The following FBXO11 variants were observed in gnomAD, a reference collection of about 807,000 sequenced individuals.
FBXO11 encodes the protein F-box only protein 11.
In FBXO11, 13 loss-of-function variants were observed where a neutral mutation model predicts 117.0. The ratio of observed to expected loss-of-function variants is 0.11; its 90% confidence interval spans 0.07 to 0.18. FBXO11 has a LOEUF of 0.18. Among genes scored for constraint, FBXO11 ranks in the 10% least tolerant of loss-of-function variants. FBXO11 has a pLI of 1.00. For synonymous variants in FBXO11, 490 were observed against 380.5 expected (o/e 1.29, Z -3.35); for missense variants, 767 against 1,164.4 (o/e 0.66, Z 4.97).
chr2:47,810,888 CCAAT>C (rs1315993089), intron 18 of FBXO11: 3 of 152,576 alleles, frequency 2.0e-5, no homozygotes, highest in Non-Finnish European at 4.4e-5. Flanking sequence ...TGCATAGTTT[CCAAT>C]CAGTTAACTG....
intron 1 of FBXO11, among the ~76,000 whole-genome samples, chr2:47,860,467 G>T (rs1363058836): frequency 2.7e-5 from 4 of 149,928 alleles, no homozygotes; most frequent in Non-Finnish European, 5.9e-5. Flanking sequence ...GTGGAGCGCA[G>T]TGGCACAATC....
At position 47,823,278 on chromosome 2, in the gene FBXO11, C is replaced by T. The variant is rs1671515974; in HGVS notation, c.1481G>A (p.Arg494Gln). The T allele has an allele frequency of 1.2e-6, 2 of 1,613,918 alleles. No homozygotes were observed. The highest frequency in any genetic ancestry group is 1.3e-5 in the African/African-American group (1 of 74,912). ...AGTCTGCCCATGGTGAATTTCACAT[C>T]GAACCACTGTAGGGTTAGCATAGGC... is the stretch of plus-strand genomic sequence containing the variant. Reference protein sequence around the residue: ...VKAYANPTVVRCEIHHGQTGG... With the variant: ...VKAYANPTVVQCEIHHGQTGG... The change falls in exon 12 of 23, where the codon CGA becomes CAA. Residue 494 changes from arginine to glutamine, a missense_variant. Arg to Gln is a conservative substitution (Grantham distance 43, BLOSUM62 1). Coordinates refer to ENST00000403359, the MANE Select transcript of FBXO11 (RefSeq NM_001190274.2).
At chr2:47,871,348 A>G (rs1675611046) in intron 1 of FBXO11, among the ~76,000 whole-genome samples, 2 of 152,204 alleles carry the variant, frequency 1.3e-5, no homozygotes, top group Non-Finnish European at 2.9e-5. Flanking sequence ...TGAATGAGAC[A>G]TCCTGAAAGC....
chr2:47,840,145 G>T (rs537454294), intron 1 of FBXO11, among the ~76,000 whole-genome samples: 1 of 151,798 alleles, frequency 6.6e-6, no homozygotes. Flanking sequence ...GGGTTTCATC[G>T]TGGTAGCCAG....
intron 11 of FBXO11, among the ~76,000 whole-genome samples, chr2:47,829,079 G>A (rs927072471): frequency 3.0e-4 from 46 of 151,824 alleles, no homozygotes; most frequent in African/African-American, 1.1e-3. Context: ...ACGCCACCAC[G>A]AGGCAGTGTT....
intron 1 of FBXO11, chr2:47,905,053 C>T (rs1678657156): frequency 6.5e-6 from 1 of 153,548 alleles, no homozygotes; most frequent in African/African-American, 2.4e-5. Context: ...CCCCAGCCAA[C>T]CCCACCACCC....
chr2:47,899,681 A>G (rs1338824986), intron 1 of FBXO11, among the ~76,000 whole-genome samples: 1 of 152,198 alleles, frequency 6.6e-6, no homozygotes, highest in African/African-American at 2.4e-5. Flanking sequence ...TTATTTTCAC[A>G]GGGTAGCAAC....
intron 1 of FBXO11, among the ~76,000 whole-genome samples, chr2:47,868,282 CAA>C (rs371849610): frequency 0.19 from 15,051 of 80,102 alleles, 834 homozygotes; most frequent in Non-Finnish European, 0.23. Context: ...ACTCTACCTC[CAA>C]AAAAAAAAAA....
At chr2:47,883,434 A>G (rs1256879090) in intron 1 of FBXO11, 6 of 391,800 alleles carry the variant, frequency 1.5e-5, no homozygotes, top group Non-Finnish European at 2.0e-5. Context: ...TATTTCACTC[A>G]ACCTCAGAGC....
intron 1 of FBXO11, among the ~76,000 whole-genome samples, chr2:47,865,431 A>T (rs1032218756): frequency 1.3e-5 from 2 of 152,262 alleles, no homozygotes; most frequent in Admixed American, 6.5e-5. Flanking sequence ...CCTGCTAGAA[A>T]GAATGTTGGA....
At chr2:47,852,576 T>C (rs1673954415) in intron 1 of FBXO11, among the ~76,000 whole-genome samples, 1 of 152,218 alleles carries the variant, frequency 6.6e-6, no homozygotes, top group South Asian at 2.1e-4. Flanking sequence ...CAATGGACTC[T>C]AGATATGATG....
intron 1 of FBXO11, among the ~76,000 whole-genome samples, chr2:47,845,620 C>T (rs533883559): frequency 6.6e-6 from 1 of 152,126 alleles, no homozygotes; most frequent in African/African-American, 2.4e-5. Context: ...TGAATATATA[C>T]CGTATATACC....
chr2:47,812,957 A>AT, intron 18 of FBXO11: 1 of 402,282 alleles, frequency 2.5e-6, no homozygotes, highest in South Asian at 2.5e-5. Context: ...TCATATTACT[A>AT]TTCTGAATTT....
chr2:47,835,393 GCTA>G (rs1400735594), intron 5 of FBXO11, among the ~76,000 whole-genome samples: 1 of 152,168 alleles, frequency 6.6e-6, no homozygotes, highest in Non-Finnish European at 1.5e-5. Flanking sequence ...CTGCTCTTAG[GCTA>G]CTAATGCTTA....
At chr2:47,872,864 T>C (rs1034495096) in intron 1 of FBXO11, among the ~76,000 whole-genome samples, 3 of 152,250 alleles carry the variant, frequency 2.0e-5, no homozygotes, top group Non-Finnish European at 4.4e-5. Flanking sequence ...ACAAAAATTA[T>C]GTCATGTAAC....
At chr2:47,829,979 A>T (rs542545163) in intron 11 of FBXO11, among the ~76,000 whole-genome samples, 1 of 152,350 alleles carries the variant, frequency 6.6e-6, no homozygotes, top group African/African-American at 2.4e-5. Flanking sequence ...CCACACTGGA[A>T]GCAAAATAGC....
chr2:47,806,997 C>CT lies in FBXO11; in HGVS notation c.*1120dup. 2.8e-6 allele frequency: 2 copies of CT among 705,674 alleles called. No individual in the cohort carries two copies. Among genetic ancestry groups the CT allele is most frequent in the Non-Finnish European group, 5.0e-6 (2 of 402,496 alleles). The allele number at this position is 705,674 out of a possible 1,614,324, so 43.7% of individuals were successfully genotyped here. A position where few individuals can be genotyped will look rare whatever the true frequency, so the allele number is the denominator to read the frequency against. ...TCTAGGAAATTAAACCCTTTTAATT[C>CT]TTATCTACCTTCTACATAATGGTTA... On this transcript the variant is annotated 3_prime_UTR_variant, in exon 23 of 23. Coordinates refer to ENST00000403359, the MANE Select transcript of FBXO11 (RefSeq NM_001190274.2).
intron 1 of FBXO11, among the ~76,000 whole-genome samples, chr2:47,904,253 A>G (rs189766897): frequency 6.6e-6 from 1 of 152,328 alleles, no homozygotes; most frequent in African/African-American, 2.4e-5. Flanking sequence ...TAAAACACGC[A>G]AAATGTCTCC....
At chr2:47,884,954 A>G (rs998218773) in intron 1 of FBXO11, among the ~76,000 whole-genome samples, 1 of 152,214 alleles carries the variant, frequency 6.6e-6, no homozygotes, top group African/African-American at 2.4e-5. Flanking sequence ...TACTGATATC[A>G]GACATCTATT....
Sources: allele counts gnomAD v4.1 joint callset (sites outside exome capture counted in the v4.1 genomes callset), GRCh38; gene constraint gnomAD v4.1.1; transcripts MANE v1.5; gene names NCBI Gene and HGNC (gene_info 2026-07-23, HGNC 2026-07-21).